The following CNTN1 variants were observed in gnomAD, a reference collection of about 807,000 sequenced individuals.
CNTN1 encodes the protein contactin 1, also known as contactin-1.
CNTN1 carries 38 observed loss-of-function variants against 126.4 expected under a neutral mutation model. The observed-to-expected ratio is 0.30, with a 90% CI of 0.23 to 0.39. CNTN1 has a LOEUF of 0.39. CNTN1 is among the 10% of genes least tolerant of loss of function. The probability of loss-of-function intolerance (pLI) is 1.00; values close to 1 mark genes in which losing one functional copy is unlikely to be tolerated. For missense variants in CNTN1, 1,009 were observed against 1,248.4 expected, an observed-to-expected ratio of 0.81 and a Z score of 2.89; for synonymous variants, 413 against 422.6, an observed-to-expected ratio of 0.98 and a Z score of 0.28.
intron 9 of CNTN1, among the ~76,000 whole-genome samples, chr12:40,936,059 GA>G (rs1946068969): frequency 1.3e-5 from 2 of 152,074 alleles, no homozygotes; most frequent in African/African-American, 4.8e-5. Context: ...CTAGATAACT[GA>G]AATAATCAAA....
At chr12:40,796,386 G>T (rs1039521637) in intron 1 of CNTN1, among the ~76,000 whole-genome samples, 3 of 151,964 alleles carry the variant, frequency 2.0e-5, no homozygotes, top group African/African-American at 7.2e-5. Context: ...AGTAACATCA[G>T]CCTCACCACT....
chr12:40,934,873 G>T (rs1260746513), intron 9 of CNTN1, among the ~76,000 whole-genome samples: 2 of 151,388 alleles, frequency 1.3e-5, no homozygotes, highest in Non-Finnish European at 3.0e-5. Flanking sequence ...ACTTTTTTTT[G>T]ATCTAACAGC....
chr12:40,736,420 GA>G (rs915651435), intron 1 of CNTN1, among the ~76,000 whole-genome samples: 3 of 151,594 alleles, frequency 2.0e-5, no homozygotes, highest in African/African-American at 7.3e-5. Context: ...ATTCACATGA[GA>G]AAAAAAATAA....
Position 40,791,761 on chromosome 12 carries a change from A to T in CNTN1, c.-77+99169A>T, listed in dbSNP as rs186627020. ...ATACGCAAAAATGGTCTCCAAAAAT[A>T]TACTACATGTCAGAAAGTATCCTAC... is the stretch of plus-strand genomic sequence containing the variant. On this transcript the variant is annotated intron_variant, in intron 1 of 23. Coordinates refer to ENST00000551295, the MANE Select transcript of CNTN1 (RefSeq NM_001843.4). Among the ~76,000 whole-genome samples, 77 of 152,268 alleles carry T rather than the reference A, an allele frequency of 5.1e-4. No homozygotes were observed. The South Asian group carries it at 9.1e-3, about 18-fold the overall frequency.
At chr12:40,875,158 T>G (rs1943626920) in intron 1 of CNTN1, among the ~76,000 whole-genome samples, 1 of 152,152 alleles carries the variant, frequency 6.6e-6, no homozygotes, top group African/African-American at 2.4e-5. Flanking sequence ...TAGCTGGGGA[T>G]CAAGTCTAGA....
rs759853727 is a variant in CNTN1, at chr12:40,810,320, A to C, written c.-76-98037A>C. On this transcript the variant is annotated intron_variant, in intron 1 of 23. Transcript: ENST00000551295. ...TTTGATATCTATATACAAATTGCTA[A>C]ATGATTTCCACAATAAAGTTTGTTA... Among the ~76,000 whole-genome samples the C allele has an allele frequency of 2.0e-5, 3 of 152,190 alleles. No individual in the cohort carries two copies. The East Asian group carries it at 5.8e-4, about 29-fold the overall frequency.
At chr12:41,014,364 G>T in intron 18 of CNTN1, 66 bp downstream of exon 18, 1 of 1,510,452 alleles carries the variant, frequency 6.6e-7, no homozygotes, top group East Asian at 2.3e-5. Flanking sequence ...ACCCCATTTT[G>T]TTTCCTGAAA....
At chr12:40,913,506 A>C (rs557856452) in intron 3 of CNTN1, among the ~76,000 whole-genome samples, 5 of 152,154 alleles carry the variant, frequency 3.3e-5, no homozygotes, top group South Asian at 4.1e-4. Flanking sequence ...TTTTCCTAGG[A>C]CTCTTCTTAC....
intron 17 of CNTN1, among the ~76,000 whole-genome samples, chr12:40,995,066 A>C (rs997664355): frequency 5.3e-5 from 8 of 152,130 alleles, no homozygotes; most frequent in African/African-American, 1.9e-4. Flanking sequence ...ATTAAATGAA[A>C]TGGATGTGAA....
chr12:40,760,235 T>TAAA (rs1312852510), intron 1 of CNTN1, among the ~76,000 whole-genome samples: 8 of 152,194 alleles, frequency 5.3e-5, no homozygotes, highest in African/African-American at 1.9e-4. Flanking sequence ...CATACTGGCT[T>TAAA]TTACAATGGA....
At chr12:41,034,483 G>A (rs1949213416) in intron 23 of CNTN1, among the ~76,000 whole-genome samples, 1 of 152,058 alleles carries the variant, frequency 6.6e-6, no homozygotes, top group Non-Finnish European at 1.5e-5. Context: ...AGTGTAAGAG[G>A]GACAAGAGGA....
chr12:40,857,962 G>T (rs1421295846), intron 1 of CNTN1, among the ~76,000 whole-genome samples: 1 of 152,074 alleles, frequency 6.6e-6, no homozygotes, highest in Non-Finnish European at 1.5e-5. Context: ...AACATACTTG[G>T]TTATCTCAAT....
chr12:41,058,796 C>T (rs1949881237), intron 23 of CNTN1, among the ~76,000 whole-genome samples: 1 of 152,112 alleles, frequency 6.6e-6, no homozygotes, highest in South Asian at 2.1e-4. Context: ...TGAACAAGCA[C>T]AATCTCTTAG....
intron 1 of CNTN1, among the ~76,000 whole-genome samples, chr12:40,878,306 T>TAA (rs200512380): frequency 0.24 from 34,093 of 142,912 alleles, 4,448 homozygotes; most frequent in South Asian, 0.36. Flanking sequence ...AAGAAACAAT[T>TAA]AAAAAAAAAA....
chr12:40,958,043 AT>A (rs1391148475), intron 14 of CNTN1, among the ~76,000 whole-genome samples: 2 of 152,050 alleles, frequency 1.3e-5, no homozygotes, highest in African/African-American at 4.8e-5. Flanking sequence ...GTAAATCAAT[AT>A]TTTTGGTTCA....
At chr12:40,998,692 A>T (rs925256495) in intron 17 of CNTN1, among the ~76,000 whole-genome samples, 1 of 152,118 alleles carries the variant, frequency 6.6e-6, no homozygotes, top group Admixed American at 6.5e-5. Flanking sequence ...TGCTTAAAGT[A>T]TAATAAAAAA....
chr12:40,747,458 G>A (rs1489517985), intron 1 of CNTN1, among the ~76,000 whole-genome samples: 2 of 152,008 alleles, frequency 1.3e-5, no homozygotes, highest in African/African-American at 4.8e-5. Context: ...AGCCTAGTGA[G>A]CAAAAGCCAA....
At chr12:40,968,786 A>T (rs184986183) in intron 15 of CNTN1, among the ~76,000 whole-genome samples, 1 of 152,292 alleles carries the variant, frequency 6.6e-6, no homozygotes, top group Admixed American at 6.5e-5. Flanking sequence ...ATGTGGCCAG[A>T]TACTAGTGTT....
rs182600268 is a variant in CNTN1, at chr12:40,777,974, A to T, written c.-77+85382A>T. Among the ~76,000 whole-genome samples, 965 of 151,990 alleles carry T rather than the reference A, an allele frequency of 6.3e-3. 7 individuals are homozygous for T. Among genetic ancestry groups the T allele is most frequent in the Non-Finnish European group, 0.011 (779 of 67,838 alleles). On this transcript the variant is annotated intron_variant, in intron 1 of 23. Coordinates refer to ENST00000551295, the MANE Select transcript of CNTN1 (RefSeq NM_001843.4). ...GCACATCATGACAAGATACCAGATT[A>T]TGGAAGTCCTTACGCTAATGTAAAG...
Sources: gnomAD v4.1 joint callset for allele counts (sites outside exome capture counted in the v4.1 genomes callset) on GRCh38, gnomAD v4.1.1 for gene constraint, MANE v1.5 for transcripts, NCBI Gene and HGNC (gene_info 2026-07-23, HGNC 2026-07-21) for gene names.